The following KLHL32 variants were observed in gnomAD, a reference collection of about 807,000 sequenced individuals.
KLHL32 encodes kelch-like protein 32.
A neutral mutation model predicts 64.8 loss-of-function variants in KLHL32; 35 were observed. The observed-to-expected ratio is 0.54, with a 90% CI of 0.41 to 0.72. The LOEUF (loss-of-function observed/expected upper bound fraction) is 0.72. Ranked by LOEUF, KLHL32 falls within the 30% of genes least tolerant of loss-of-function variation. The probability of loss-of-function intolerance (pLI) is 0.00; values close to 1 mark genes in which losing one functional copy is unlikely to be tolerated. For missense variants in KLHL32, 589 were observed against 768.5 expected (o/e 0.77, Z 2.76); for synonymous variants, 259 against 281.0 (o/e 0.92, Z 0.78).
intron 4 of KLHL32, among the ~76,000 whole-genome samples, chr6:97,046,099 A>C (rs1234336486): frequency 6.6e-6 from 1 of 152,218 alleles, no homozygotes; most frequent in East Asian, 1.9e-4. Flanking sequence ...TGTGGCATAC[A>C]GCAGTAATTC....
At chr6:97,012,656 A>G (rs1780562057) in intron 3 of KLHL32, among the ~76,000 whole-genome samples, 1 of 152,200 alleles carries the variant, frequency 6.6e-6, no homozygotes, top group Non-Finnish European at 1.5e-5. Flanking sequence ...AATTTTTGTG[A>G]ATTTTCAGAT....
At chr6:96,947,868 G>T (rs571038039) in intron 1 of KLHL32, among the ~76,000 whole-genome samples, 1 of 152,208 alleles carries the variant, frequency 6.6e-6, no homozygotes, top group Admixed American at 6.6e-5. Context: ...TTAAACCTAG[G>T]CAGTTTGATT....
chr6:96,986,187 G>T (rs1777033185), intron 3 of KLHL32, among the ~76,000 whole-genome samples: 1 of 152,192 alleles, frequency 6.6e-6, no homozygotes, highest in African/African-American at 2.4e-5. Flanking sequence ...CAGAACAGCA[G>T]ATATTGGTGA....
intron 3 of KLHL32, among the ~76,000 whole-genome samples, chr6:97,005,184 A>G (rs926819889): frequency 7.2e-5 from 11 of 151,988 alleles, no homozygotes; most frequent in Non-Finnish European, 1.5e-5. Context: ...TCAGGATTTC[A>G]ATTTCTTCCT....
the KLHL32 span, among the ~76,000 whole-genome samples, chr6:96,912,349 C>T: frequency 6.6e-6 from 1 of 152,274 alleles, no homozygotes; most frequent in South Asian, 2.1e-4. Flanking sequence ...AACAGATAAA[C>T]CTTGCTTCTC....
intron 5 of KLHL32, among the ~76,000 whole-genome samples, chr6:97,078,661 G>T (rs560804369): frequency 1.3e-5 from 2 of 152,174 alleles, no homozygotes; most frequent in South Asian, 4.2e-4. Flanking sequence ...TCTTTCACAC[G>T]TCAGTGGCAT....
intron 3 of KLHL32, among the ~76,000 whole-genome samples, chr6:97,015,266 A>T (rs893535766): frequency 3.3e-5 from 5 of 152,244 alleles, no homozygotes; most frequent in Non-Finnish European, 7.3e-5. Context: ...GGGTACTGCT[A>T]TAAAGATACT....
chr6:97,102,959 G>C (rs1247355953), intron 6 of KLHL32, among the ~76,000 whole-genome samples: 1 of 151,848 alleles, frequency 6.6e-6, no homozygotes, highest in Non-Finnish European at 1.5e-5. Context: ...GTACTCAATA[G>C]TTATTTTTTC....
Position 96,998,036 on chromosome 6 carries a change from T to C in KLHL32, c.204+21859T>C, listed in dbSNP as rs189728847. On this transcript the variant is annotated intron_variant, in intron 3 of 10. Transcript: ENST00000369261. Reference sequence around the variant, plus strand: ...ATAAAGGATAAATGGCAGCATAACATTGACAGTAATTTTTGCTTCCAGCCC... The same window carrying C: ...ATAAAGGATAAATGGCAGCATAACACTGACAGTAATTTTTGCTTCCAGCCC... Among the ~76,000 whole-genome samples the C allele has an allele frequency of 8.5e-5, 13 of 152,322 alleles. No individual in the cohort carries two copies. The East Asian group carries it at 2.5e-3, about 29-fold the overall frequency.
intron 7 of KLHL32, among the ~76,000 whole-genome samples, chr6:97,124,609 A>G (rs1403474274): frequency 1.3e-5 from 2 of 152,162 alleles, no homozygotes; most frequent in East Asian, 3.8e-4. Context: ...TAAAACAGAT[A>G]GTTTACTACA....
At chr6:96,902,973 G>T in the KLHL32 span, among the ~76,000 whole-genome samples, 1 of 152,096 alleles carries the variant, frequency 6.6e-6, no homozygotes, top group Non-Finnish European at 1.5e-5. Flanking sequence ...CCAGTACCAT[G>T]CTGTTTTGGT....
At chr6:97,074,200 G>T (rs1791222364) in intron 5 of KLHL32, among the ~76,000 whole-genome samples, 1 of 152,166 alleles carries the variant, frequency 6.6e-6, no homozygotes, top group African/African-American at 2.4e-5. Context: ...TGAATGGATG[G>T]CTAAAACAGA....
intron 4 of KLHL32, among the ~76,000 whole-genome samples, chr6:97,047,406 G>A (rs1281794583): frequency 1.3e-5 from 2 of 152,212 alleles, no homozygotes; most frequent in Non-Finnish European, 2.9e-5. Context: ...ATGGTGGAGG[G>A]CATAGAGGCC....
chr6:96,982,615 C>T (rs532607414), intron 3 of KLHL32, among the ~76,000 whole-genome samples: 3 of 152,240 alleles, frequency 2.0e-5, no homozygotes, highest in Admixed American at 2.0e-4. Context: ...AAGTTGGATT[C>T]CTAGGTATTT....
chr6:96,978,777 C>A (rs1223356239), intron 3 of KLHL32, among the ~76,000 whole-genome samples: 7 of 152,182 alleles, frequency 4.6e-5, no homozygotes, highest in Non-Finnish European at 1.0e-4. Flanking sequence ...TATCAGCATT[C>A]TCTTTTCTCT....
intron 5 of KLHL32, among the ~76,000 whole-genome samples, chr6:97,079,292 C>T (rs1043533458): frequency 5.3e-5 from 8 of 152,132 alleles, no homozygotes; most frequent in African/African-American, 9.7e-5. Flanking sequence ...GGGACATCAC[C>T]GAGGCCAAGA....
chr6:96,977,599 GC>G (rs1424179566), intron 3 of KLHL32, among the ~76,000 whole-genome samples: 4 of 152,060 alleles, frequency 2.6e-5, no homozygotes, highest in African/African-American at 9.7e-5. Flanking sequence ...CCCCAGTAAA[GC>G]CTAAATGTTA....
At chr6:97,023,567 A>G (rs1376910559) in intron 3 of KLHL32, among the ~76,000 whole-genome samples, 1 of 152,218 alleles carries the variant, frequency 6.6e-6, no homozygotes, top group Non-Finnish European at 1.5e-5. Flanking sequence ...AGATTCATTT[A>G]AAATCCAGGG....
At chr6:96,932,564 T>TCCC (rs34910862) in intron 1 of KLHL32, among the ~76,000 whole-genome samples, 4 of 114,318 alleles carry the variant, frequency 3.5e-5, no homozygotes, top group African/African-American at 1.0e-4. Flanking sequence ...GTTGTCAATT[T>TCCC]CCCCCCCCCC....
Sources: allele counts gnomAD v4.1 joint callset (sites outside exome capture counted in the v4.1 genomes callset), GRCh38; gene constraint gnomAD v4.1.1; transcripts MANE v1.5; gene names NCBI Gene and HGNC (gene_info 2026-07-23, HGNC 2026-07-21).